Variants in TRPV5 observed in about 807,000 individuals in gnomAD.
TRPV5 encodes the protein transient receptor potential cation channel subfamily V member 5.
A neutral mutation model predicts 74.1 loss-of-function variants in TRPV5; 66 were observed. That is an observed-to-expected ratio of 0.89 (90% CI 0.73 to 1.09). The LOEUF (loss-of-function observed/expected upper bound fraction) is 1.09, where lower values mean the gene tolerates loss of function less well. Among genes scored for constraint, TRPV5 ranks in the 50% least tolerant of loss-of-function variants. The pLI is 0.00. For synonymous variants in TRPV5, 399 were observed against 360.7 expected (o/e 1.11, Z -1.20); for missense variants, 936 against 930.4 (o/e 1.01, Z -0.08).
chr7:142,910,699 C>T (rs1019357708), intron 13 of TRPV5, among the ~76,000 whole-genome samples: 1 of 152,210 alleles, frequency 6.6e-6, no homozygotes, highest in Non-Finnish European at 1.5e-5. Flanking sequence ...CTCAGGACTT[C>T]CAGTCATTCT....
chr7:142,915,308 T>C lies in TRPV5; in HGVS notation c.1285A>G (p.Ile429Val). 1 of 1,610,348 alleles carries C rather than the reference T, an allele frequency of 6.2e-7. No homozygotes were observed. The change falls in exon 10 of 15, where the codon ATC becomes GTC. Residue 429 changes from isoleucine (I) to valine (V), a missense_variant and splice_region_variant. Ile to Val is a conservative substitution (Grantham distance 29). Coordinates refer to ENST00000265310, the MANE Select transcript of TRPV5 (RefSeq NM_019841.7). ...GGGCTGGAATGAGGGGATACTCACA[T>C]GATGACATGGAATGGCCCCCCAAGA... ...TILGGPFHVI[I>V]ITYASLVLVT...
At chr7:142,927,937 AC>A (rs1325474444) in intron 7 of TRPV5, 150 bp downstream of exon 7, 7 of 892,774 alleles carry the variant, frequency 7.8e-6, no homozygotes, top group Non-Finnish European at 1.2e-5. Flanking sequence ...TGTGCATTGG[AC>A]TTTCCCCCAT....
rs778500083 is a variant in TRPV5 at position 142,925,748 on chromosome 7, TG to T, written c.910-8del. ...GTTCCAGAATTTGGCGAGCCTGGCA[TG>T]GAAGTAGAGTGAAACTTGGGGTGAC... On this transcript the variant is annotated splice_polypyrimidine_tract_variant and splice_region_variant and intron_variant, in intron 7 of 14. Transcript: ENST00000265310. 3.1e-6 allele frequency: 5 copies of T among 1,612,858 alleles called. No homozygotes were observed. Among genetic ancestry groups the T allele is most frequent in the Non-Finnish European group, 4.2e-6 (5 of 1,179,366 alleles).
chr7:142,910,793 T>A (rs1795691145), intron 13 of TRPV5, among the ~76,000 whole-genome samples: 1 of 152,218 alleles, frequency 6.6e-6, no homozygotes, highest in Admixed American at 6.5e-5. Context: ...AGCCCCGTCC[T>A]TCCTCGGGTA....
At chr7:142,925,819 C>A in intron 7 of TRPV5, 78 bp from the exon 8 acceptor site, 1 of 1,273,772 alleles carries the variant, frequency 7.9e-7, no homozygotes, top group Non-Finnish European at 1.1e-6. Context: ...CCAGAAGAGG[C>A]AGGGCAGCAA....
chr7:142,922,849 C>G (rs1419889167), intron 8 of TRPV5, among the ~76,000 whole-genome samples: 1 of 152,162 alleles, frequency 6.6e-6, no homozygotes, highest in Non-Finnish European at 1.5e-5. Context: ...TCTGGGAAAT[C>G]TCTAGTAAAG....
chr7:142,921,320 C>T (rs959518357), intron 8 of TRPV5, among the ~76,000 whole-genome samples: 6 of 152,246 alleles, frequency 3.9e-5, no homozygotes, highest in South Asian at 2.1e-4. Flanking sequence ...CTCATACTGT[C>T]GCCTGGCCTG....
chr7:142,922,513 C>T (rs550539693), intron 8 of TRPV5, among the ~76,000 whole-genome samples: 1 of 152,292 alleles, frequency 6.6e-6, no homozygotes, highest in East Asian at 1.9e-4. Flanking sequence ...CTTAAAAATA[C>T]CAAGGCCAGA....
At chr7:142,913,401 T>C (rs1185168850) in intron 12 of TRPV5, among the ~76,000 whole-genome samples, 1 of 152,178 alleles carries the variant, frequency 6.6e-6, no homozygotes, top group Non-Finnish European at 1.5e-5. Flanking sequence ...AGAAACAGGG[T>C]CTATGACAAA....
At position 142,930,437 on chromosome 7, in the gene TRPV5, C is replaced by G. The variant is rs1266338493; in HGVS notation, c.138G>C (p.Glu46Asp). ...LHMLQQKRIL[E>D]SPLLRASKEN... ...CCTTGGATGCTCGAAGCAGTGGAGA[C>G]TCTAGAATCCTGGGGAAAGGTGAAC... The change falls in exon 2 of 15, where the codon GAG becomes GAC. Residue 46 changes from glutamate to aspartate, a missense_variant. Coordinates refer to ENST00000265310, the MANE Select transcript of TRPV5 (RefSeq NM_019841.7). The G allele has an allele frequency of 1.2e-6, 2 of 1,613,836 alleles. No homozygotes were observed. The highest frequency in any genetic ancestry group is 1.7e-6 in the Non-Finnish European group (2 of 1,179,692).
At chr7:142,919,909 T>C (rs1795857478) in intron 8 of TRPV5, among the ~76,000 whole-genome samples, 1 of 152,174 alleles carries the variant, frequency 6.6e-6, no homozygotes, top group African/African-American at 2.4e-5. Context: ...TCTAGACCTT[T>C]TTCCCCCCCA....
Position 142,929,148 on chromosome 7 carries a change from G to A in TRPV5, c.488-28C>T, listed in dbSNP as rs997318729. Reference sequence around the variant, plus strand: ...GTGGACACAGAGAGATCCATGGCAGGAGAACGCAGGATGGCAGGATGGGGT... The same window carrying A: ...GTGGACACAGAGAGATCCATGGCAGAAGAACGCAGGATGGCAGGATGGGGT... On this transcript the variant is annotated intron_variant, in intron 4 of 14. Transcript: ENST00000265310. The A allele has an allele frequency of 1.9e-6, 3 of 1,610,536 alleles. No individual in the cohort carries two copies. In the South Asian group the frequency reaches 3.3e-5, roughly 18 times the overall value.
chr7:142,931,174 C>A (rs904056963), intron 1 of TRPV5, among the ~76,000 whole-genome samples: 1 of 151,972 alleles, frequency 6.6e-6, no homozygotes, highest in Non-Finnish European at 1.5e-5. Flanking sequence ...AGGCACGCAC[C>A]ACCACGCCCA....
chr7:142,912,787 A>C (rs781441616), intron 12 of TRPV5, 37 bp from the exon 13 acceptor site: 1 of 1,599,934 alleles, frequency 6.3e-7, no homozygotes, highest in Admixed American at 1.7e-5. Flanking sequence ...AGATGGGATA[A>C]TGGAGTTATC....
intron 1 of TRPV5, among the ~76,000 whole-genome samples, chr7:142,931,899 A>C (rs1413933960): frequency 1.3e-5 from 2 of 151,922 alleles, no homozygotes; most frequent in Non-Finnish European, 1.5e-5. Flanking sequence ...ACGGGGTTTC[A>C]GCATGTTGGC....
chr7:142,925,492 A>G, intron 8 of TRPV5, 37 bp downstream of exon 8: 1 of 1,608,938 alleles, frequency 6.2e-7, no homozygotes, highest in South Asian at 1.1e-5. Context: ...TCACCCCTTG[A>G]TGCAATTCTC....
rs776969376 is a variant in TRPV5 at position 142,912,702 on chromosome 7, A to T, written c.1568T>A (p.Phe523Tyr). 2 of 1,614,200 alleles carry T rather than the reference A, an allele frequency of 1.2e-6. No homozygotes were observed. The highest frequency in any genetic ancestry group is 2.2e-5 in the South Asian group (2 of 91,070). Reference protein sequence around the residue: ...QTEDPTSLGQFYDYPMALFTT... With the variant: ...QTEDPTSLGQYYDYPMALFTT... ...GAACAGTGCCATGGGGTAGTCATAG[A>T]ATTGCCCCAGACTGGTTGGGTCCTC... Residue 523 changes from phenylalanine (F) to tyrosine (Y), a missense_variant, in exon 13 of 15, where the codon TTC (phenylalanine) becomes TAC (tyrosine). Phe to Tyr is a conservative substitution (Grantham distance 22). Transcript: ENST00000265310.
intron 8 of TRPV5, among the ~76,000 whole-genome samples, chr7:142,919,970 T>A (rs1425282409): frequency 2.0e-5 from 3 of 152,190 alleles, no homozygotes; most frequent in African/African-American, 7.2e-5. Flanking sequence ...CTCTGCTAGC[T>A]CTTACAAAGA....
At chr7:142,926,092 T>C (rs539993942) in intron 7 of TRPV5, among the ~76,000 whole-genome samples, 2 of 152,254 alleles carry the variant, frequency 1.3e-5, no homozygotes, top group African/African-American at 4.8e-5. Context: ...GAGATGTGGT[T>C]GGGGAGAGGG....
Sources: gnomAD v4.1 joint callset for allele counts (sites outside exome capture counted in the v4.1 genomes callset) on GRCh38, gnomAD v4.1.1 for gene constraint, MANE v1.5 for transcripts, NCBI Gene and HGNC (gene_info 2026-07-23, HGNC 2026-07-21) for gene names.